The following CALN1 variants were observed in gnomAD, a reference collection of about 807,000 sequenced individuals.
The protein encoded by CALN1 is calneuron 1, also known as calcium-binding protein 8.
CALN1 carries 17 observed loss-of-function variants against 30.6 expected under a neutral mutation model. The observed-to-expected ratio is 0.56, with a 90% CI of 0.38 to 0.83. The LOEUF (loss-of-function observed/expected upper bound fraction) is 0.83. CALN1 is among the 40% of genes least tolerant of loss of function. The pLI, the probability that CALN1 is intolerant of heterozygous loss-of-function variation, is 0.00. For synonymous variants in CALN1, 156 were observed against 131.4 expected (o/e 1.19, Z -1.28); for missense variants, 291 against 354.9 (o/e 0.82, Z 1.45).
the CALN1 span, among the ~76,000 whole-genome samples, chr7:72,460,593 C>T: frequency 6.6e-6 from 1 of 152,106 alleles, no homozygotes; most frequent in Admixed American, 6.5e-5. Context: ...GATCACATGA[C>T]TGCACTCCAG....
intron 5 of CALN1, among the ~76,000 whole-genome samples, chr7:71,946,951 A>T (rs1584579310): frequency 6.6e-6 from 1 of 152,044 alleles, no homozygotes; most frequent in Non-Finnish European, 1.5e-5. Context: ...AAGCACTAGG[A>T]TTATAGGCAT....
chr7:72,399,460 A>G (rs562375036), intron 2 of CALN1, among the ~76,000 whole-genome samples: 11 of 151,846 alleles, frequency 7.2e-5, no homozygotes, highest in Admixed American at 2.6e-4. Context: ...TAGTAGAGAT[A>G]GGGCTTCACC....
chr7:72,020,195 A>C (rs1800624473), intron 5 of CALN1, among the ~76,000 whole-genome samples: 1 of 152,164 alleles, frequency 6.6e-6, no homozygotes, highest in Non-Finnish European at 1.5e-5. Context: ...AGCAGCTAGG[A>C]CTACAGGTGC....
At chr7:72,480,878 T>A in the CALN1 span, among the ~76,000 whole-genome samples, 1 of 152,210 alleles carries the variant, frequency 6.6e-6, no homozygotes, top group Non-Finnish European at 1.5e-5. Flanking sequence ...TCTCTAACGA[T>A]GTCACCTCTC....
chr7:72,275,256 G>A (rs570938254), intron 3 of CALN1, among the ~76,000 whole-genome samples: 6 of 152,194 alleles, frequency 3.9e-5, no homozygotes, highest in African/African-American at 1.2e-4. Flanking sequence ...AGCACCACCT[G>A]TCCTCTGAGG....
At chr7:71,981,055 A>G (rs1356558166) in intron 5 of CALN1, among the ~76,000 whole-genome samples, 2 of 152,264 alleles carry the variant, frequency 1.3e-5, no homozygotes, top group East Asian at 1.9e-4. Flanking sequence ...CTAAGACTAC[A>G]GGAGTCTACA....
intron 6 of CALN1, among the ~76,000 whole-genome samples, chr7:71,788,573 CCTT>C (rs1276353733): frequency 1.3e-5 from 2 of 150,564 alleles, no homozygotes; most frequent in South Asian, 4.2e-4. Flanking sequence ...CTCACTGCAG[CCTT>C]CTTAACCTCC....
intron 5 of CALN1, among the ~76,000 whole-genome samples, chr7:71,918,311 A>T (rs543592284): frequency 6.6e-6 from 1 of 152,224 alleles, no homozygotes; most frequent in Admixed American, 6.5e-5. Flanking sequence ...CAGGTTACTG[A>T]CAAAATTGCT....
At chr7:71,861,968 G>C (rs1212590752) in intron 5 of CALN1, among the ~76,000 whole-genome samples, 1 of 152,180 alleles carries the variant, frequency 6.6e-6, no homozygotes, top group African/African-American at 2.4e-5. Context: ...GGCAGAAGCA[G>C]GGAATGGGAA....
chr7:72,411,621 A>C (rs1001514629), intron 1 of CALN1, among the ~76,000 whole-genome samples: 1 of 151,254 alleles, frequency 6.6e-6, no homozygotes, highest in Admixed American at 6.6e-5. Context: ...CTAAGTAATC[A>C]GCTCCATGGG....
At chr7:71,847,702 A>AAAGAAGAAAGAAGAAAG (rs1451812632) in intron 5 of CALN1, among the ~76,000 whole-genome samples, 1 of 116,674 alleles carries the variant, frequency 8.6e-6, no homozygotes, top group Non-Finnish European at 1.6e-5. Context: ...GAGGAAGAAG[A>AAAGAAGAAAGAAGAAAG]AAGAAGAAAG....
intron 2 of CALN1, among the ~76,000 whole-genome samples, chr7:72,401,839 G>A (rs1806360750): frequency 6.6e-6 from 1 of 152,136 alleles, no homozygotes; most frequent in South Asian, 2.1e-4. Flanking sequence ...TTTCTGTAAG[G>A]CAGCCCTCCT....
upstream of CALN1, among the ~76,000 whole-genome samples, chr7:72,412,951 G>T (rs925871966): frequency 1.3e-5 from 2 of 152,204 alleles, no homozygotes; most frequent in African/African-American, 4.8e-5. Context: ...TGGGGCAGCT[G>T]GTCTAGCTCC....
At chr7:72,399,271 T>C (rs902536223) in intron 2 of CALN1, among the ~76,000 whole-genome samples, 57 of 30,700 alleles carry the variant, frequency 1.9e-3, no homozygotes, top group Middle Eastern at 9.8e-3. Flanking sequence ...AACCTATTGC[T>C]TTTTTTTTTT....
chr7:72,035,153 G>A (rs1801717179), intron 4 of CALN1, among the ~76,000 whole-genome samples: 1 of 151,868 alleles, frequency 6.6e-6, no homozygotes, highest in Non-Finnish European at 1.5e-5. Flanking sequence ...ACCATTTTTA[G>A]GTGTGCAGGT....
At chr7:72,404,515 G>A (rs1288298391) in intron 1 of CALN1, among the ~76,000 whole-genome samples, 1 of 152,214 alleles carries the variant, frequency 6.6e-6, no homozygotes, top group Non-Finnish European at 1.5e-5. Flanking sequence ...CGGCCACCAT[G>A]GATCAGGGCC....
At chr7:71,967,352 T>G (rs1427956605) in intron 5 of CALN1, among the ~76,000 whole-genome samples, 32 of 151,898 alleles carry the variant, frequency 2.1e-4, no homozygotes, top group Admixed American at 2.0e-3. Context: ...GAAACCTGAC[T>G]AGGTGTGATG....
intron 3 of CALN1, among the ~76,000 whole-genome samples, chr7:72,132,963 G>A (rs369430782): frequency 3.3e-5 from 5 of 152,128 alleles, no homozygotes; most frequent in East Asian, 3.9e-4. Context: ...TCATAGGAGC[G>A]GGTACCCTAT....
chr7:72,377,034 A>G (rs529374861), intron 2 of CALN1, among the ~76,000 whole-genome samples: 1 of 152,206 alleles, frequency 6.6e-6, no homozygotes, highest in Non-Finnish European at 1.5e-5. Flanking sequence ...TCTCAATTCT[A>G]TTCCATGGCA....
Sources: gnomAD v4.1 joint callset for allele counts (sites outside exome capture counted in the v4.1 genomes callset) on GRCh38, gnomAD v4.1.1 for gene constraint, MANE v1.5 for transcripts, NCBI Gene and HGNC (gene_info 2026-07-23, HGNC 2026-07-21) for gene names.